Variants in MAP3K7CL observed in about 807,000 individuals in gnomAD.
The protein encoded by MAP3K7CL is MAP3K7 C-terminal like.
In MAP3K7CL, 16 loss-of-function variants were observed where a neutral mutation model predicts 18.6. That is an observed-to-expected ratio of 0.86 (90% CI 0.58 to 1.31). MAP3K7CL has a LOEUF of 1.31. MAP3K7CL is among the 50% of genes most tolerant of loss of function. MAP3K7CL has a pLI of 0.00. For missense variants in MAP3K7CL, 163 were observed against 174.4 expected (o/e 0.93, Z 0.37); for synonymous variants, 65 against 66.8 (o/e 0.97, Z 0.13).
chr21:29,078,912 C>T (rs2085792568), intron 1 of MAP3K7CL, among the ~76,000 whole-genome samples: 1 of 152,184 alleles, frequency 6.6e-6, no homozygotes, highest in South Asian at 2.1e-4. Flanking sequence ...GGTAAAGATG[C>T]AAGGACACTT....
intron 4 of MAP3K7CL, chr21:29,109,722 A>G (rs1601169573): frequency 7.1e-6 from 7 of 985,950 alleles, no homozygotes; most frequent in Non-Finnish European, 8.4e-6. Flanking sequence ...AACCTTATAC[A>G]AACAGTTATA....
intron 1 of MAP3K7CL, chr21:29,131,564 A>G (rs951739933): frequency 3.3e-5 from 5 of 152,028 alleles, no homozygotes; most frequent in Admixed American, 6.5e-5. Context: ...ATTTTATATT[A>G]CTCTTTTTTA....
intron 4 of MAP3K7CL, chr21:29,109,053 A>G (rs2086373648): frequency 2.0e-6 from 3 of 1,533,494 alleles, no homozygotes; most frequent in Non-Finnish European, 2.6e-6. Context: ...GACATTCGTA[A>G]CCTTCCTGGA....
At chr21:29,158,876 A>AT (rs2087470320) in intron 3 of MAP3K7CL, among the ~76,000 whole-genome samples, 1 of 148,620 alleles carries the variant, frequency 6.7e-6, no homozygotes, top group Non-Finnish European at 1.5e-5. Context: ...GAAAAGGGTG[A>AT]TTTAAAAAAA....
At chr21:29,160,913 A>G (rs973121735) in intron 4 of MAP3K7CL, among the ~76,000 whole-genome samples, 11 of 152,240 alleles carry the variant, frequency 7.2e-5, no homozygotes, top group Non-Finnish European at 1.3e-4. Context: ...GTGAAACAGA[A>G]CACAAACATA....
At chr21:29,107,764 ATG>A in intron 4 of MAP3K7CL, among the ~76,000 whole-genome samples, 1 of 152,230 alleles carries the variant, frequency 6.6e-6, no homozygotes. Flanking sequence ...ACTTCTTGTT[ATG>A]TGAGAGGATA....
chr21:29,166,128 A>T (rs2087680994), intron 4 of MAP3K7CL, among the ~76,000 whole-genome samples: 1 of 152,188 alleles, frequency 6.6e-6, no homozygotes. Flanking sequence ...GTAACTATGT[A>T]CTCACTGAAT....
At position 29,112,809 on chromosome 21, in the gene MAP3K7CL, C is replaced by G. The variant is rs1318337015; in HGVS notation, c.370+20228C>G. 2.0e-5 allele frequency among the ~76,000 whole-genome samples: 3 copies of G among 152,130 alleles called. No individual in the cohort carries two copies. In the East Asian group the frequency reaches 5.8e-4, roughly 29 times the overall value. On this transcript the variant is annotated intron_variant, in intron 4 of 6. Coordinates refer to the MAP3K7CL transcript ENST00000286791. ...CTGCCTTTCCTCCCAGCAAACGAGA[C>G]CTTTGGAAATTTTTTTTTTTTCTTT...
intron 4 of MAP3K7CL, among the ~76,000 whole-genome samples, chr21:29,103,586 T>A (rs187063249): frequency 5.3e-5 from 8 of 152,072 alleles, no homozygotes; most frequent in Admixed American, 3.9e-4. Flanking sequence ...TACAAAAGAA[T>A]TAGCCAGGCG....
chr21:29,108,296 T>C (rs1464500697), intron 4 of MAP3K7CL, among the ~76,000 whole-genome samples: 2 of 152,154 alleles, frequency 1.3e-5, no homozygotes, highest in Admixed American at 6.5e-5. Flanking sequence ...TGTGAGGACA[T>C]AGCAAGAAGG....
At chr21:29,080,622 C>G (rs902519238) in intron 1 of MAP3K7CL, 2 of 152,200 alleles carry the variant, frequency 1.3e-5, no homozygotes, top group Non-Finnish European at 2.9e-5. Context: ...GGTCAAAGCC[C>G]TGGTGGTGTG....
At position 29,174,985 on chromosome 21, in the gene MAP3K7CL, T is replaced by G; in HGVS notation, c.*93T>G. The stretch of plus-strand genomic sequence containing the variant: ...TTAAATGAATAGTGAGTCAGATCTA[T>G]TGCTTCTCTGTATTACCCACATGAC... On this transcript the variant is annotated 3_prime_UTR_variant, in exon 5 of 5. Transcript: ENST00000399928. 1 of 1,271,176 alleles carries G rather than the reference T, an allele frequency of 7.9e-7. No individual in the cohort carries two copies. Among genetic ancestry groups the G allele is most frequent in the Non-Finnish European group, 1.1e-6 (1 of 925,472 alleles). 78.7% of individuals were successfully genotyped at this position (1,271,176 alleles called of 1,614,324 possible).
chr21:29,090,379 T>G, intron 1 of MAP3K7CL, among the ~76,000 whole-genome samples: 1 of 152,062 alleles, frequency 6.6e-6, no homozygotes, highest in Non-Finnish European at 1.5e-5. Flanking sequence ...TTCTTTGTTT[T>G]GTTTTGTTGT....
chr21:29,170,283 A>G (rs2087792186), intron 4 of MAP3K7CL, among the ~76,000 whole-genome samples: 1 of 152,250 alleles, frequency 6.6e-6, no homozygotes. Context: ...ATATCCGCTG[A>G]GTCTTCTGGG....
intron 4 of MAP3K7CL, among the ~76,000 whole-genome samples, chr21:29,099,261 ATTT>A (rs968362985): frequency 2.4e-5 from 2 of 83,066 alleles, no homozygotes; most frequent in Non-Finnish European, 4.4e-5. Flanking sequence ...CAGCTAATTG[ATTT>A]TTTTTTTTTT....
upstream of MAP3K7CL, among the ~76,000 whole-genome samples, chr21:29,125,996 A>G (rs768084290): frequency 1.3e-5 from 2 of 152,384 alleles, no homozygotes; most frequent in East Asian, 1.9e-4. Flanking sequence ...GGGTTAATAC[A>G]TAACTTTGGG....
chr21:29,122,691 G>A (rs2086615369), intron 4 of MAP3K7CL, among the ~76,000 whole-genome samples: 1 of 152,178 alleles, frequency 6.6e-6, no homozygotes, highest in Non-Finnish European at 1.5e-5. Flanking sequence ...TCTGCTGCCA[G>A]TGGCGGCTGG....
intron 2 of MAP3K7CL, among the ~76,000 whole-genome samples, chr21:29,138,277 T>G (rs913462082): frequency 2.6e-5 from 4 of 152,260 alleles, no homozygotes; most frequent in Admixed American, 1.3e-4. Context: ...CAGTGATGCC[T>G]GTCTTTAATG....
intron 1 of MAP3K7CL, among the ~76,000 whole-genome samples, chr21:29,087,755 G>A (rs1233125031): frequency 5.3e-5 from 8 of 151,754 alleles, no homozygotes; most frequent in Non-Finnish European, 8.8e-5. Flanking sequence ...CACCACGACC[G>A]GCTAATTTTT....
Sources: gnomAD v4.1 joint callset for allele counts (sites outside exome capture counted in the v4.1 genomes callset) on GRCh38, gnomAD v4.1.1 for gene constraint, MANE v1.5 for transcripts, NCBI Gene and HGNC (gene_info 2026-07-23, HGNC 2026-07-21) for gene names.